The following TLCD3B variants were observed in gnomAD, a reference collection of about 807,000 sequenced individuals.
The protein encoded by TLCD3B is ceramide synthase.
In TLCD3B, 9 loss-of-function variants were observed where a neutral mutation model predicts 23.0. That is an observed-to-expected ratio of 0.39 (90% CI 0.24 to 0.68). TLCD3B has a LOEUF of 0.68. TLCD3B is among the 30% of genes least tolerant of loss of function. The pLI is 0.44. For missense variants in TLCD3B, 307 were observed against 371.8 expected (o/e 0.83, Z 1.43); for synonymous variants, 161 against 161.0 (o/e 1.00, Z 0.00).
At chr16:30,045,091 T>TGAAAAAAAAAAAA in intron 2 of TLCD3B, among the ~76,000 whole-genome samples, 1 of 7,268 alleles carries the variant, frequency 1.4e-4, no homozygotes, top group Non-Finnish European at 2.7e-4. Flanking sequence ...AGACTCCATC[T>TGAAAAAAAAAAAA]CAAAAAAAAA....
At chr16:30,028,484 G>T (rs141343985) in intron 2 of TLCD3B, among the ~76,000 whole-genome samples, 304 of 152,234 alleles carry the variant, frequency 2.0e-3, no homozygotes, top group African/African-American at 6.4e-3. Context: ...GGAGGGAAGG[G>T]GTGGGCAGAG....
intron 3 of TLCD3B, among the ~76,000 whole-genome samples, chr16:30,037,083 AAAATAAAT>A (rs574446126): frequency 2.0e-5 from 3 of 149,896 alleles, no homozygotes; most frequent in African/African-American, 4.9e-5. Context: ...TCTGTCTCAA[AAAATAAAT>A]AAATAAATAA....
intron 3 of TLCD3B, chr16:30,036,357 C>A (rs749908662): frequency 7.8e-7 from 1 of 1,287,940 alleles, no homozygotes; most frequent in South Asian, 1.2e-5. Context: ...CCTGAAACTA[C>A]ATATATTTAC....
At position 30,030,667 on chromosome 16, in the gene TLCD3B, G is replaced by T; in HGVS notation, c.-140C>A. On this transcript the variant is annotated 5_prime_UTR_variant, in exon 1 of 5. Transcript: ENST00000380495. ...ATGAGAAGGGGCACAAAGGGGCCAG[G>T]GCGGGGACGGGATGGGGCCAGGGAG... 1 of 1,332,188 alleles carries T rather than the reference G, an allele frequency of 7.5e-7. No individual in the cohort carries two copies. The highest frequency in any genetic ancestry group is 9.6e-7 in the Non-Finnish European group (1 of 1,041,386). The allele number at this position is 1,332,188 out of a possible 1,614,324, so 82.5% of individuals were successfully genotyped here.
In TLCD3B at chr16:30,040,147, A is replaced by AATAAAAT. The variant is rs1555475531; in HGVS notation, c.-67+847_-67+848insATTTTAT. 6.3e-5 allele frequency among the ~76,000 whole-genome samples: 6 copies of AATAAAAT among 95,910 alleles called. No individual in the cohort carries two copies. The East Asian group carries it at 1.4e-3, about 23-fold the overall frequency. The allele number at this position is 95,910 out of a possible 152,430, so 62.9% of individuals were successfully genotyped here. On this transcript the variant is annotated intron_variant, in intron 3 of 6. Coordinates refer to the TLCD3B transcript ENST00000561666. ...AGACTTTGTCTCAAAAAAAAAAAAA[A>AATAAAAT]ATATATATATATATATATATATATG... is the stretch of plus-strand genomic sequence containing the variant.
intron 3 of TLCD3B, among the ~76,000 whole-genome samples, chr16:30,037,813 G>C (rs1169188357): frequency 6.6e-6 from 1 of 152,164 alleles, no homozygotes; most frequent in Non-Finnish European, 1.5e-5. Flanking sequence ...CATTTCTACT[G>C]TGGGTGTACA....
At chr16:30,042,630 A>G (rs1038242047) in intron 2 of TLCD3B, among the ~76,000 whole-genome samples, 1 of 152,152 alleles carries the variant, frequency 6.6e-6, no homozygotes, top group Non-Finnish European at 1.5e-5. Context: ...ATTATTGAAG[A>G]TTGAAATGGC....
chr16:30,044,444 A>C (rs577721593), intron 2 of TLCD3B, among the ~76,000 whole-genome samples: 2 of 151,722 alleles, frequency 1.3e-5, no homozygotes, highest in South Asian at 4.2e-4. Context: ...AGTAGCTGGG[A>C]TTACAGGTGC....
At position 30,030,783 on chromosome 16, in the gene TLCD3B, G is replaced by T; in HGVS notation, c.-256C>A. The T allele has an allele frequency of 8.1e-7, 1 of 1,236,382 alleles. No individual in the cohort carries two copies. The highest frequency in any genetic ancestry group is 1.0e-6 in the Non-Finnish European group (1 of 989,208). 76.6% of individuals were successfully genotyped at this position (1,236,382 alleles called of 1,614,324 possible). A position where few individuals can be genotyped will look rare whatever the true frequency, so the allele number is the denominator to read the frequency against. ...AAGGGGAGCAGGAGCAGGCCAGCGAGGGATGGGGAGAGGCAAAGAGGGGAT... is the reference window on the plus strand; with the variant it reads ...AAGGGGAGCAGGAGCAGGCCAGCGATGGATGGGGAGAGGCAAAGAGGGGAT... On this transcript the variant is annotated 5_prime_UTR_variant, in exon 1 of 5. Coordinates refer to ENST00000380495, the MANE Select transcript of TLCD3B (RefSeq NM_031478.6).
intron 3 of TLCD3B, among the ~76,000 whole-genome samples, chr16:30,037,139 G>A (rs1179731337): frequency 6.6e-6 from 1 of 151,632 alleles, no homozygotes; most frequent in African/African-American, 2.4e-5. Context: ...CAAGTGCAGT[G>A]GTTCAGGCTG....
At chr16:30,040,905 C>T (rs574472582) in intron 3 of TLCD3B, 1 of 152,624 alleles carries the variant, frequency 6.6e-6, no homozygotes, top group Middle Eastern at 3.4e-3. Flanking sequence ...AAGCGATCCT[C>T]CTGCTTCAGC....
At chr16:30,046,067 G>A (rs1046999271) in intron 2 of TLCD3B, among the ~76,000 whole-genome samples, 5 of 151,990 alleles carry the variant, frequency 3.3e-5, no homozygotes, top group African/African-American at 9.7e-5. Flanking sequence ...CCATGATCGC[G>A]CCACTGCACT....
chr16:30,031,684 G>A (rs1441892650), upstream of TLCD3B, among the ~76,000 whole-genome samples: 1 of 152,208 alleles, frequency 6.6e-6, no homozygotes, highest in Non-Finnish European at 1.5e-5. Context: ...CAGAGCCAGA[G>A]GCCCCCTCAC....
intron 1 of TLCD3B, chr16:30,046,700 G>C (rs2071680312): frequency 1.3e-5 from 2 of 152,228 alleles, no homozygotes; most frequent in African/African-American, 4.8e-5. Flanking sequence ...ACATAGACTG[G>C]CTGTGTGACC....
At chr16:30,027,287 G>A in intron 2 of TLCD3B, 1 of 413,650 alleles carries the variant, frequency 2.4e-6, no homozygotes. Context: ...GCCCATTCCT[G>A]CCTCCTGGGA....
rs766451826 is a variant in TLCD3B at position 30,025,576 on chromosome 16, C to G, written c.541-109G>C. On this transcript the variant is annotated intron_variant, in intron 4 of 4. Coordinates refer to ENST00000380495, the MANE Select transcript of TLCD3B (RefSeq NM_031478.6). The surrounding 1 kb of genome is among the most constrained non-coding windows in gnomAD (Gnocchi z 4.1). ...CAGGCAGCTCCTCCCAAACCAGACACTTTGCCAGGACACAAGCACCAGGTG... is the reference window on the plus strand; with the variant it reads ...CAGGCAGCTCCTCCCAAACCAGACAGTTTGCCAGGACACAAGCACCAGGTG... 8 of 1,526,156 alleles carry G rather than the reference C, an allele frequency of 5.2e-6. No individual in the cohort carries two copies. Among genetic ancestry groups the G allele is most frequent in the Non-Finnish European group, 6.3e-6 (7 of 1,104,712 alleles). The allele number at this position is 1,526,156 out of a possible 1,614,324, so 94.5% of individuals were successfully genotyped here. A position where few individuals can be genotyped will look rare whatever the true frequency, so the allele number is the denominator to read the frequency against.
chr16:30,025,303 G>T lies in TLCD3B; in HGVS notation c.705C>A (p.Asn235Lys). 6.4e-7 allele frequency: 1 copy of T among 1,559,802 alleles called. No individual in the cohort carries two copies. Among genetic ancestry groups the T allele is most frequent in the Non-Finnish European group, 8.7e-7 (1 of 1,151,534 alleles). Residue 235 changes from asparagine to lysine, a missense_variant, in exon 5 of 5, where the codon AAC becomes AAA. Asn to Lys is a moderately conservative substitution (Grantham distance 94, BLOSUM62 0). Coordinates refer to ENST00000380495, the MANE Select transcript of TLCD3B (RefSeq NM_031478.6). The surrounding 1 kb of genome is among the most constrained non-coding windows in gnomAD (Gnocchi z 4.1). ...GGGCCAGGAGCAGCGCAGCGCCCAG[G>T]TTGACGTGGGCAGGGATGGCCAGGG... ...AVPLAIPAHV[N>K]LGAALLLAPQ...
Position 30,029,582 on chromosome 16 carries a change from G to A in TLCD3B, c.126-67C>T, listed in dbSNP as rs150091210. ...GAGGCGTGTGCCTTGATTTCTCCTC[G>A]TTGCTAGTCTAACGACTGCGCTTTG... On this transcript the variant is annotated intron_variant, in intron 1 of 4. Coordinates refer to ENST00000380495, the MANE Select transcript of TLCD3B (RefSeq NM_031478.6). This position sits in a 1 kb window ranked among gnomAD's most constrained non-coding sequence, Gnocchi z 4.6. 8.5e-4 allele frequency: 1,142 copies of A among 1,339,396 alleles called. 8 individuals carry two copies. In the African/African-American group the frequency reaches 0.012, roughly 14 times the overall value. 83.0% of individuals were successfully genotyped at this position (1,339,396 alleles called of 1,614,324 possible).
intron 2 of TLCD3B, among the ~76,000 whole-genome samples, chr16:30,045,924 C>A (rs534576721): frequency 6.6e-6 from 1 of 151,968 alleles, no homozygotes; most frequent in African/African-American, 2.4e-5. Context: ...GGCTGGGCAA[C>A]ACAGTGAGAC....
Sources: allele counts gnomAD v4.1 joint callset (sites outside exome capture counted in the v4.1 genomes callset), GRCh38; gene constraint gnomAD v4.1.1; non-coding constraint Gnocchi (gnomAD v3.1); transcripts MANE v1.5; gene names NCBI Gene and HGNC (gene_info 2026-07-23, HGNC 2026-07-21).